ZNF521: variants seen among roughly 807,000 people sequenced by gnomAD.
ZNF521 encodes the protein LYST-interacting protein 3.
ZNF521 carries 14 observed loss-of-function variants against 105.5 expected under a neutral mutation model. The ratio of observed to expected loss-of-function variants is 0.13; its 90% CI spans 0.09 to 0.21. ZNF521 has a LOEUF of 0.21. Among genes scored for constraint, ZNF521 ranks in the 10% least tolerant of loss-of-function variants. The pLI, the probability that ZNF521 is intolerant of heterozygous loss-of-function variation, is 1.00. For missense variants in ZNF521, 1,233 were observed against 1,629.7 expected, an observed-to-expected ratio of 0.76 and a Z score of 4.19; for synonymous variants, 635 against 606.0, an observed-to-expected ratio of 1.05 and a Z score of -0.70.
At chr18:25,090,706 T>A (rs955478492) in intron 6 of ZNF521, among the ~76,000 whole-genome samples, 4 of 152,208 alleles carry the variant, frequency 2.6e-5, no homozygotes, top group African/African-American at 9.6e-5. Flanking sequence ...CAGTACATTT[T>A]ATGAGGCTTC....
intron 3 of ZNF521, among the ~76,000 whole-genome samples, chr18:25,284,791 C>T (rs1910592647): frequency 1.3e-5 from 2 of 151,988 alleles, no homozygotes; most frequent in Admixed American, 1.3e-4. Flanking sequence ...ACAGCTAAGC[C>T]TGGAAGGAAA....
At chr18:25,182,328 T>C (rs912859307) in intron 5 of ZNF521, among the ~76,000 whole-genome samples, 13 of 152,186 alleles carry the variant, frequency 8.5e-5, no homozygotes, top group African/African-American at 3.1e-4. Flanking sequence ...GCATTAATAT[T>C]CCTTGATGAT....
intron 5 of ZNF521, among the ~76,000 whole-genome samples, chr18:25,096,573 T>C (rs2033856225): frequency 6.6e-6 from 1 of 152,164 alleles, no homozygotes; most frequent in South Asian, 2.1e-4. Flanking sequence ...TATACTCCTT[T>C]TCCTTCAATA....
At chr18:25,210,926 TCTC>T (rs1375360118) in intron 4 of ZNF521, among the ~76,000 whole-genome samples, 1 of 152,234 alleles carries the variant, frequency 6.6e-6, no homozygotes, top group Non-Finnish European at 1.5e-5. Context: ...GTATAAAGCT[TCTC>T]CTCTTTACAA....
chr18:25,271,233 C>T (rs949326461), intron 3 of ZNF521, among the ~76,000 whole-genome samples: 1 of 151,914 alleles, frequency 6.6e-6, no homozygotes. Context: ...AGGACCTCTT[C>T]AAGAACTATA....
intron 5 of ZNF521, among the ~76,000 whole-genome samples, chr18:25,126,930 G>C (rs1431920845): frequency 6.6e-6 from 1 of 152,050 alleles, no homozygotes; most frequent in African/African-American, 2.4e-5. Flanking sequence ...TCCAGGACTT[G>C]GTTTATTCAT....
At chr18:25,170,778 C>A (rs2035435980) in intron 5 of ZNF521, among the ~76,000 whole-genome samples, 1 of 152,100 alleles carries the variant, frequency 6.6e-6, no homozygotes, top group Admixed American at 6.6e-5. Flanking sequence ...ACTGATCATA[C>A]AATTCAGGCC....
chr18:25,208,197 A>G (rs1600155543), intron 4 of ZNF521, among the ~76,000 whole-genome samples: 2 of 152,318 alleles, frequency 1.3e-5, no homozygotes, highest in Non-Finnish European at 2.9e-5. Context: ...AGGAATCACT[A>G]TTTGAAGATA....
At chr18:25,278,212 T>C (rs1210276788) in intron 3 of ZNF521, among the ~76,000 whole-genome samples, 1 of 152,224 alleles carries the variant, frequency 6.6e-6, no homozygotes, top group Non-Finnish European at 1.5e-5. Flanking sequence ...TTCTGCAACT[T>C]GTATTTTGAA....
chr18:25,097,366 A>G (rs2033874297), intron 5 of ZNF521, among the ~76,000 whole-genome samples: 2 of 152,162 alleles, frequency 1.3e-5, no homozygotes, highest in African/African-American at 2.4e-5. Flanking sequence ...CTGCCGGTAG[A>G]TTAGTCATTA....
At chr18:25,165,626 T>C (rs916218811) in intron 5 of ZNF521, among the ~76,000 whole-genome samples, 1 of 152,210 alleles carries the variant, frequency 6.6e-6, no homozygotes, top group Non-Finnish European at 1.5e-5. Flanking sequence ...ACAAGGTGCT[T>C]TGTACTCAAA....
At position 25,168,696 on chromosome 18, in the gene ZNF521, T is replaced by C. The variant is rs749493653; in HGVS notation, c.3658+26464A>G. On this transcript the variant is annotated intron_variant, in intron 5 of 7. Transcript: ENST00000361524. ...TACAAATACAGTAAGAACACATTCC[T>C]TACACTTTTGACTCCTGCTGGAAGT... Among the ~76,000 whole-genome samples, 11 of 152,326 alleles carry C rather than the reference T, an allele frequency of 7.2e-5. No homozygotes were observed. The South Asian group carries it at 8.3e-4, about 11-fold the overall frequency.
Position 25,225,495 on chromosome 18 carries a change from T to C in ZNF521, c.2423A>G (p.Lys808Arg). The change falls in exon 4 of 8, where the codon AAG becomes AGG. Residue 808 changes from lysine (K) to arginine (R), a missense_variant. Physicochemically the swap from Lys to Arg is conservative, Grantham distance 26 (BLOSUM62 2). This residue lies in a region of ZNF521 where 614 missense variants were observed against 751.5 expected (regional missense o/e 0.82). Transcript: ENST00000361524. This position sits in a 1 kb window ranked among gnomAD's most constrained non-coding sequence, Gnocchi z 5.6. ...TTTGCTACAGAACTTGCAGTTGTAC[T>C]TCTTACTGTGAGTGGTGATGTGGCA... ...LQCHITTHSK[K>R]YNCKFCSKAF... 6 of 1,614,230 alleles carry C rather than the reference T, an allele frequency of 3.7e-6. No individual in the cohort carries two copies. Among genetic ancestry groups the C allele is most frequent in the Non-Finnish European group, 5.1e-6 (6 of 1,180,028 alleles).
intron 7 of ZNF521, among the ~76,000 whole-genome samples, chr18:25,078,898 G>C (rs1433760242): frequency 6.6e-6 from 1 of 152,158 alleles, no homozygotes; most frequent in Non-Finnish European, 1.5e-5. Context: ...AGGTGGGAGA[G>C]AACACAAAGG....
At chr18:25,182,767 T>C (rs1375766927) in intron 5 of ZNF521, among the ~76,000 whole-genome samples, 2 of 152,158 alleles carry the variant, frequency 1.3e-5, no homozygotes, top group Non-Finnish European at 2.9e-5. Context: ...GCATATAAAA[T>C]AGGATGAAAA....
intron 5 of ZNF521, among the ~76,000 whole-genome samples, chr18:25,189,574 C>A (rs1217549688): frequency 6.6e-6 from 1 of 152,212 alleles, no homozygotes; most frequent in Non-Finnish European, 1.5e-5. Context: ...TATAAGGCAC[C>A]TTGCTGTCAT....
At chr18:25,183,771 C>T (rs2035673328) in intron 5 of ZNF521, among the ~76,000 whole-genome samples, 1 of 152,132 alleles carries the variant, frequency 6.6e-6, no homozygotes, top group Non-Finnish European at 1.5e-5. Context: ...ATCAGCAGAA[C>T]AGATGCATTT....
At chr18:25,320,260 C>A (rs746615978) in intron 3 of ZNF521, among the ~76,000 whole-genome samples, 1 of 152,204 alleles carries the variant, frequency 6.6e-6, no homozygotes, top group South Asian at 2.1e-4. Flanking sequence ...GCAACCTCTG[C>A]CTCCCGGGTT....
intron 4 of ZNF521, among the ~76,000 whole-genome samples, chr18:25,216,870 T>C (rs1249297474): frequency 2.0e-5 from 3 of 152,108 alleles, no homozygotes; most frequent in Non-Finnish European, 2.9e-5. Context: ...GAACAAATAA[T>C]GACATTTTTA....
Sources: allele counts gnomAD v4.1 joint callset (sites outside exome capture counted in the v4.1 genomes callset), GRCh38; gene constraint gnomAD v4.1.1; regional missense constraint gnomAD v4.1.1; non-coding constraint Gnocchi (gnomAD v3.1); transcripts MANE v1.5; gene names NCBI Gene and HGNC (gene_info 2026-07-23, HGNC 2026-07-21).